ERCC6L2: variants seen among roughly 807,000 people sequenced by gnomAD.
ERCC6L2 encodes the protein ERCC excision repair 6 like 2, also known as DNA excision repair protein ERCC-6-like 2.
In ERCC6L2, 77 loss-of-function variants were observed where a neutral mutation model predicts 132.0. The observed-to-expected ratio is 0.58, with a 90% CI of 0.49 to 0.71. The LOEUF (loss-of-function observed/expected upper bound fraction) is 0.71. Ranked by LOEUF, ERCC6L2 falls within the 30% of genes least tolerant of loss-of-function variation. ERCC6L2 has a pLI of 0.00. For synonymous variants in ERCC6L2, 583 were observed against 632.4 expected, an observed-to-expected ratio of 0.92 and a Z score of 1.17; for missense variants, 1,542 against 1,837.6, an observed-to-expected ratio of 0.84 and a Z score of 2.94.
At chr9:96,004,064 T>G (rs927580260) in intron 17 of ERCC6L2, among the ~76,000 whole-genome samples, 16 of 152,252 alleles carry the variant, frequency 1.1e-4, no homozygotes, top group Admixed American at 1.0e-3. Flanking sequence ...GTAAGATTTA[T>G]GATTTATTTA....
At chr9:95,885,513 A>G (rs191820981) in intron 2 of ERCC6L2, among the ~76,000 whole-genome samples, 19 of 152,360 alleles carry the variant, frequency 1.2e-4, no homozygotes, top group African/African-American at 1.7e-4. Context: ...TTTTATGACT[A>G]TCTCCCAATA....
intron 17 of ERCC6L2, among the ~76,000 whole-genome samples, chr9:95,996,712 A>G (rs1833484158): frequency 6.6e-6 from 1 of 152,210 alleles, no homozygotes; most frequent in South Asian, 2.1e-4. Context: ...ATGACAGCCC[A>G]TCTGTTTATG....
chr9:95,903,646 T>A (rs959500163), intron 3 of ERCC6L2, among the ~76,000 whole-genome samples: 1 of 152,128 alleles, frequency 6.6e-6, no homozygotes, highest in Non-Finnish European at 1.5e-5. Context: ...AAATAGAAGG[T>A]GTTCAATTGA....
chr9:96,007,654 ATCAGCAGAGCACAGGACCAT>A (rs1833904287), intron 18 of ERCC6L2, among the ~76,000 whole-genome samples: 1 of 152,226 alleles, frequency 6.6e-6, no homozygotes, highest in Non-Finnish European at 1.5e-5. Flanking sequence ...AAGAGGCAAT[ATCAGCAGAGCACAGGACCAT>A]TCAGCATAGA....
intron 17 of ERCC6L2, among the ~76,000 whole-genome samples, chr9:95,999,050 A>C (rs1833564306): frequency 6.6e-6 from 1 of 152,216 alleles, no homozygotes; most frequent in African/African-American, 2.4e-5. Flanking sequence ...ATAGCTATTG[A>C]GCCCATGTTA....
chr9:95,899,915 G>C (rs1022137659), intron 3 of ERCC6L2, among the ~76,000 whole-genome samples: 2 of 152,096 alleles, frequency 1.3e-5, no homozygotes, highest in African/African-American at 4.8e-5. Flanking sequence ...AGTGCAGATG[G>C]AATTTTTTAG....
intron 16 of ERCC6L2, 95 bp downstream of exon 16, chr9:95,973,183 A>G (rs1832506811): frequency 1.2e-6 from 1 of 844,124 alleles, no homozygotes; most frequent in Non-Finnish European, 1.6e-6. Flanking sequence ...AAACAGCCCT[A>G]AAATCAAGAT....
intron 1 of ERCC6L2, among the ~76,000 whole-genome samples, chr9:95,877,339 C>CTTT (rs368120641): frequency 6.9e-6 from 1 of 144,200 alleles, no homozygotes; most frequent in Non-Finnish European, 1.5e-5. Context: ...TCCCTTAAGG[C>CTTT]TTTTTTTTTT....
At chr9:95,966,466 C>T (rs888403369) in intron 13 of ERCC6L2, 96 bp from the exon 14 acceptor site, 1 of 1,157,382 alleles carries the variant, frequency 8.6e-7, no homozygotes, top group Non-Finnish European at 1.1e-6. Context: ...TCTGCCTGCT[C>T]CAGCTAAAGC....
At chr9:95,997,332 G>A (rs1422863046) in intron 17 of ERCC6L2, among the ~76,000 whole-genome samples, 1 of 152,220 alleles carries the variant, frequency 6.6e-6, no homozygotes, top group Non-Finnish European at 1.5e-5. Flanking sequence ...AGATGTGGTG[G>A]AAGCAGCAAG....
At chr9:95,889,654 C>A (rs1478489175) in intron 2 of ERCC6L2, among the ~76,000 whole-genome samples, 1 of 152,064 alleles carries the variant, frequency 6.6e-6, no homozygotes, top group Non-Finnish European at 1.5e-5. Context: ...ATGCCCCTTT[C>A]CAGTCAATAT....
At chr9:96,019,068 C>T (rs1173157023), downstream of ERCC6L2, among the ~76,000 whole-genome samples, 1 of 152,198 alleles carries the variant, frequency 6.6e-6, no homozygotes, top group Admixed American at 6.5e-5. Flanking sequence ...ATTTCTAATA[C>T]GTCTCTAAGG....
intron 17 of ERCC6L2, among the ~76,000 whole-genome samples, chr9:95,979,748 G>T (rs180706268): frequency 2.6e-5 from 4 of 152,208 alleles, no homozygotes; most frequent in Admixed American, 2.6e-4. Flanking sequence ...ACTTTAAACA[G>T]CATTTCTACA....
intron 17 of ERCC6L2, among the ~76,000 whole-genome samples, chr9:96,004,065 GATTT>G (rs1421772477): frequency 1.3e-5 from 2 of 152,120 alleles, no homozygotes; most frequent in African/African-American, 2.4e-5. Context: ...TAAGATTTAT[GATTT>G]ATTTATTTAA....
At chr9:95,893,533 A>G (rs1828280611) in intron 2 of ERCC6L2, among the ~76,000 whole-genome samples, 1 of 152,082 alleles carries the variant, frequency 6.6e-6, no homozygotes, top group South Asian at 2.1e-4. Context: ...TTGGCATTAC[A>G]TTTTTCTTAA....
rs1014080340 is a variant in ERCC6L2, at chr9:96,028,873, A to G, written c.*1504-10003A>G. On this transcript the variant is annotated intron_variant and NMD_transcript_variant, in intron 19 of 20. Coordinates refer to the ERCC6L2 transcript ENST00000670016. The stretch of plus-strand genomic sequence containing the variant: ...ATATATTCACACATACTGCACAGCA[A>G]CAAAAATAAACTATCTTCAACCTTA... 2.0e-5 allele frequency among the ~76,000 whole-genome samples: 3 copies of G among 152,364 alleles called. No individual in the cohort carries two copies. In the South Asian group the frequency reaches 6.2e-4, roughly 32 times the overall value.
intron 20 of ERCC6L2, among the ~76,000 whole-genome samples, chr9:96,041,075 G>A (rs369938213): frequency 6.6e-6 from 1 of 152,110 alleles, no homozygotes; most frequent in East Asian, 1.9e-4. Context: ...ATAAACATGA[G>A]CCCCAGGTTT....
chr9:95,902,699 C>T (rs1828840065), intron 3 of ERCC6L2, among the ~76,000 whole-genome samples: 6 of 152,064 alleles, frequency 3.9e-5, no homozygotes, highest in Admixed American at 1.3e-4. Context: ...TCCACCTTTT[C>T]GTTTGCACTA....
In ERCC6L2 at chr9:95,905,244, T is replaced by G. The variant is rs372995952; in HGVS notation, c.595-1834T>G. 3.3e-5 allele frequency: 5 copies of G among 152,350 alleles called. No individual in the cohort carries two copies. The East Asian group carries it at 7.7e-4, about 23-fold the overall frequency. 9.4% of individuals were successfully genotyped at this position (152,350 alleles called of 1,614,324 possible). On this transcript the variant is annotated intron_variant, in intron 3 of 18. Coordinates refer to ENST00000653738, the MANE Select transcript of ERCC6L2 (RefSeq NM_020207.7). The stretch of plus-strand genomic sequence containing the variant: ...GGAAATGCTAAGTTCTTATGTACTT[T>G]CCCTGGACTCTGCATAATAGCATAA...
Sources: allele counts gnomAD v4.1 joint callset (sites outside exome capture counted in the v4.1 genomes callset), GRCh38; gene constraint gnomAD v4.1.1; transcripts MANE v1.5; gene names NCBI Gene and HGNC (gene_info 2026-07-23, HGNC 2026-07-21).